The following CHD9 variants were observed in gnomAD, a reference collection of about 807,000 sequenced individuals.
CHD9 encodes ATP-dependent chromatin remodeler CHD9.
CHD9 carries 77 observed loss-of-function variants against 316.1 expected under a neutral mutation model. The ratio of observed to expected loss-of-function variants is 0.24; its 90% CI spans 0.20 to 0.29. CHD9 has a LOEUF of 0.29. Among genes scored for constraint, CHD9 ranks in the 10% least tolerant of loss-of-function variants. The pLI is 1.00. For missense variants in CHD9, 2,763 were observed against 3,438.1 expected, an observed-to-expected ratio of 0.80 and a Z score of 4.91; for synonymous variants, 1,129 against 1,158.3, an observed-to-expected ratio of 0.97 and a Z score of 0.51.
intron 33 of CHD9, 39 bp from the exon 34 acceptor site, chr16:53,308,647 T>G: frequency 1.3e-6 from 2 of 1,516,992 alleles, no homozygotes; most frequent in Middle Eastern, 1.7e-4. Context: ...AAGATTTTTT[T>G]TAACAGTTTC....
chr16:53,222,598 A>G, intron 3 of CHD9, 46 bp from the exon 4 acceptor site: 1 of 911,596 alleles, frequency 1.1e-6, no homozygotes, highest in Non-Finnish European at 1.7e-6. Flanking sequence ...CAAATTTAGG[A>G]AAATTCAAAG....
intron 19 of CHD9, among the ~76,000 whole-genome samples, chr16:53,257,910 C>T (rs2050749617): frequency 1.3e-5 from 2 of 152,026 alleles, no homozygotes; most frequent in Non-Finnish European, 2.9e-5. Flanking sequence ...GTTCTCTACT[C>T]TATGGACAGA....
At chr16:53,209,932 GCTA>G (rs2046195921) in intron 3 of CHD9, 119 bp downstream of exon 3, 1 of 694,694 alleles carries the variant, frequency 1.4e-6, no homozygotes, top group Non-Finnish European at 2.4e-6. Flanking sequence ...TAAATTGTTG[GCTA>G]CTATGTGTGC....
chr16:53,060,920 CTTTTTT>C (rs549828992), intron 1 of CHD9, among the ~76,000 whole-genome samples: 5 of 99,414 alleles, frequency 5.0e-5, no homozygotes, highest in African/African-American at 1.2e-4. Context: ...GATGTTGTCT[CTTTTTT>C]TTTTTTTTTT....
At chr16:53,302,979 G>A (rs997030986) in intron 30 of CHD9, among the ~76,000 whole-genome samples, 6 of 152,144 alleles carry the variant, frequency 3.9e-5, no homozygotes, top group Admixed American at 2.0e-4. Context: ...GAAAGATGTG[G>A]CTGTGTTTCC....
chr16:53,146,223 TAAA>T (rs776269746), intron 1 of CHD9, among the ~76,000 whole-genome samples: 8 of 97,978 alleles, frequency 8.2e-5, no homozygotes, highest in African/African-American at 2.5e-4. Context: ...CCGTCTCTAC[TAAA>T]AAAAAAAAAA....
chr16:53,106,110 G>T (rs535397939), intron 1 of CHD9, among the ~76,000 whole-genome samples: 1 of 152,108 alleles, frequency 6.6e-6, no homozygotes, highest in Non-Finnish European at 1.5e-5. Context: ...GTGAGCCACC[G>T]CACCTGGCTC....
intron 30 of CHD9, among the ~76,000 whole-genome samples, chr16:53,297,491 A>G (rs2054909178): frequency 6.6e-6 from 1 of 152,186 alleles, no homozygotes. Context: ...TCTTATAGGA[A>G]TTGTGCTAGA....
At chr16:53,274,019 T>G (rs547663296) in intron 23 of CHD9, among the ~76,000 whole-genome samples, 194 bp from the exon 24 acceptor site, 9 of 152,324 alleles carry the variant, frequency 5.9e-5, no homozygotes, top group African/African-American at 2.2e-4. Context: ...TACTTGTATA[T>G]GAAATAATGA....
intron 34 of CHD9, among the ~76,000 whole-genome samples, chr16:53,312,498 A>G (rs2056551488): frequency 6.6e-6 from 1 of 152,204 alleles, no homozygotes; most frequent in East Asian, 1.9e-4. Flanking sequence ...AGGGCAGGGA[A>G]TAGCATGAAA....
intron 1 of CHD9, among the ~76,000 whole-genome samples, chr16:53,136,694 A>G (rs555802089): frequency 2.0e-5 from 3 of 152,276 alleles, no homozygotes; most frequent in African/African-American, 7.2e-5. Flanking sequence ...CATGGGTTTC[A>G]TAATTTAGTG....
At chr16:53,164,634 T>G (rs1249669973) in intron 2 of CHD9, among the ~76,000 whole-genome samples, 2 of 140,640 alleles carry the variant, frequency 1.4e-5, no homozygotes, top group African/African-American at 2.7e-5. Context: ...TGTTTTTTGT[T>G]TTTTTTTTGG....
At chr16:53,276,841 G>A (rs538465612) in intron 24 of CHD9, among the ~76,000 whole-genome samples, 1 of 152,066 alleles carries the variant, frequency 6.6e-6, no homozygotes, top group Middle Eastern at 3.4e-3. Context: ...CCTTTAAAAA[G>A]TTGCCTGTAT....
intron 1 of CHD9, among the ~76,000 whole-genome samples, chr16:53,077,647 A>G (rs1452478718): frequency 2.6e-5 from 4 of 152,194 alleles, no homozygotes; most frequent in Non-Finnish European, 5.9e-5. Context: ...TTTTTAAAGT[A>G]TATATTTAAG....
At chr16:53,161,708 A>C (rs2041924232) in intron 2 of CHD9, among the ~76,000 whole-genome samples, 1 of 152,210 alleles carries the variant, frequency 6.6e-6, no homozygotes, top group Admixed American at 6.5e-5. Flanking sequence ...AGAACGCTTT[A>C]GTGAGAATGT....
chr16:53,087,935 A>G (rs879403291), intron 1 of CHD9, among the ~76,000 whole-genome samples: 12 of 151,166 alleles, frequency 7.9e-5, no homozygotes, highest in African/African-American at 2.2e-4. Context: ...GCAACAGAGC[A>G]AGAGTCTGTC....
intron 2 of CHD9, among the ~76,000 whole-genome samples, chr16:53,175,019 CT>C (rs2043008587): frequency 6.6e-6 from 1 of 152,168 alleles, no homozygotes; most frequent in African/African-American, 2.4e-5. Context: ...CCAGCGCAAT[CT>C]TTTGTATAGG....
At chr16:53,108,629 C>A (rs2037569013) in intron 1 of CHD9, among the ~76,000 whole-genome samples, 1 of 152,042 alleles carries the variant, frequency 6.6e-6, no homozygotes, top group South Asian at 2.1e-4. Context: ...AATCCCAGCT[C>A]TTTGGGAGAC....
At chr16:53,244,036 C>T (rs1005813520) in intron 13 of CHD9, among the ~76,000 whole-genome samples, 10 of 151,856 alleles carry the variant, frequency 6.6e-5, no homozygotes, top group African/African-American at 2.4e-4. Context: ...TGTGCAGATT[C>T]GCAGATACAT....
Sources: allele counts gnomAD v4.1 joint callset (sites outside exome capture counted in the v4.1 genomes callset), GRCh38; gene constraint gnomAD v4.1.1; transcripts MANE v1.5; gene names NCBI Gene and HGNC (gene_info 2026-07-23, HGNC 2026-07-21).